The following CEP112 variants were observed in gnomAD, a reference collection of about 807,000 sequenced individuals.
CEP112 encodes the protein centrosomal protein 112.
CEP112 carries 127 observed loss-of-function variants against 153.0 expected under a neutral mutation model. That is an observed-to-expected ratio of 0.83 (90% CI 0.72 to 0.96). The LOEUF (loss-of-function observed/expected upper bound fraction) is 0.96, where lower values mean the gene tolerates loss of function less well. Ranked by LOEUF, CEP112 falls within the 40% of genes least tolerant of loss-of-function variation. CEP112 has a pLI of 0.00. For missense variants in CEP112, 1,089 were observed against 1,101.2 expected (o/e 0.99, Z 0.16); for synonymous variants, 358 against 374.4 (o/e 0.96, Z 0.51).
chr17:65,659,618 T>C (rs2046245917), intron 24 of CEP112, among the ~76,000 whole-genome samples: 1 of 152,204 alleles, frequency 6.6e-6, no homozygotes, highest in Non-Finnish European at 1.5e-5. Flanking sequence ...CTTAACACCA[T>C]TGTAAACACT....
chr17:66,078,806 T>C (rs2067606793), intron 8 of CEP112, among the ~76,000 whole-genome samples: 1 of 152,228 alleles, frequency 6.6e-6, no homozygotes, highest in Non-Finnish European at 1.5e-5. Flanking sequence ...GCACTTCTTG[T>C]AGTGGTGGCT....
At chr17:66,169,247 CA>C (rs1222201185) in intron 4 of CEP112, among the ~76,000 whole-genome samples, 1 of 149,894 alleles carries the variant, frequency 6.7e-6, no homozygotes, top group African/African-American at 2.5e-5. Context: ...AGTCTCAGAA[CA>C]GTATGTACAT....
chr17:65,830,162 G>A (rs945250911), intron 21 of CEP112, among the ~76,000 whole-genome samples: 3 of 152,172 alleles, frequency 2.0e-5, no homozygotes, highest in Non-Finnish European at 4.4e-5. Flanking sequence ...CAAGATGGTG[G>A]AATAGATTGT....
chr17:66,088,920 C>T (rs74614431), intron 8 of CEP112, among the ~76,000 whole-genome samples: 1 of 123,286 alleles, frequency 8.1e-6, no homozygotes, highest in African/African-American at 3.0e-5. Context: ...GGCTTAAACC[C>T]ACCCTAGAAC....
intron 21 of CEP112, among the ~76,000 whole-genome samples, chr17:65,787,146 ATACT>A (rs1295795811): frequency 6.6e-6 from 1 of 152,196 alleles, no homozygotes; most frequent in Non-Finnish European, 1.5e-5. Context: ...TAGGAGGGAA[ATACT>A]TTTGACTTTT....
In CEP112 at chr17:65,641,026, C is replaced by G; in HGVS notation, c.2737G>C (p.Gly913Arg). 3 of 1,611,398 alleles carry G rather than the reference C, an allele frequency of 1.9e-6. No homozygotes were observed. The highest frequency in any genetic ancestry group is 2.5e-6 in the Non-Finnish European group (3 of 1,177,736). Residue 913 changes from glycine (G) to arginine (R), a missense_variant, in exon 25 of 27, where the codon GGA becomes CGA. Gly to Arg is a moderately radical substitution (Grantham distance 125). Coordinates refer to ENST00000535342, the MANE Select transcript of CEP112 (RefSeq NM_001199165.4). ...TGTCTTAGGGATGCTGGCATCAATC[C>G]TTTCAATTTTGTTTCATATTCTTGT... ...IRQEYETKLK[G>R]LMPASLRQEL...
intron 8 of CEP112, among the ~76,000 whole-genome samples, chr17:66,072,716 A>G (rs1401720764): frequency 6.6e-6 from 1 of 152,200 alleles, no homozygotes; most frequent in East Asian, 1.9e-4. Context: ...TATTACAAAG[A>G]AAGTCTCTCC....
At chr17:65,715,449 A>G (rs1304156592) in intron 23 of CEP112, among the ~76,000 whole-genome samples, 2 of 152,084 alleles carry the variant, frequency 1.3e-5, no homozygotes, top group Non-Finnish European at 2.9e-5. Context: ...TAATAACCAT[A>G]AAAGAAATTT....
intron 20 of CEP112, among the ~76,000 whole-genome samples, chr17:65,852,269 CCT>C: frequency 1.4e-5 from 1 of 71,750 alleles, no homozygotes; most frequent in African/African-American, 5.4e-5. Flanking sequence ...TCCTTCCCTC[CCT>C]CCCTCCTTCC....
intron 17 of CEP112, among the ~76,000 whole-genome samples, chr17:65,998,101 T>C (rs2063859826): frequency 6.6e-6 from 1 of 152,024 alleles, no homozygotes; most frequent in Non-Finnish European, 1.5e-5. Flanking sequence ...AAAATTGTGC[T>C]TGGGGTGGTG....
chr17:65,745,944 A>G (rs1272951459), intron 22 of CEP112, among the ~76,000 whole-genome samples: 3 of 152,036 alleles, frequency 2.0e-5, no homozygotes, highest in African/African-American at 7.2e-5. Flanking sequence ...CGGCCGGATC[A>G]CCTGAAGCCA....
chr17:65,970,626 A>C (rs68032452), intron 17 of CEP112, among the ~76,000 whole-genome samples: 72,742 of 151,616 alleles, frequency 0.48, 18,446 homozygotes, highest in East Asian at 0.89. Flanking sequence ...ATGGAATGGA[A>C]GCATATTACA....
At chr17:66,112,667 G>C (rs560768591) in intron 6 of CEP112, among the ~76,000 whole-genome samples, 1 of 152,282 alleles carries the variant, frequency 6.6e-6, no homozygotes, top group Non-Finnish European at 1.5e-5. Context: ...GTGCCAGCCA[G>C]GCATGGTGGC....
chr17:66,105,344 A>G (rs888687393), intron 6 of CEP112, among the ~76,000 whole-genome samples: 14 of 152,190 alleles, frequency 9.2e-5, no homozygotes, highest in Non-Finnish European at 1.9e-4. Context: ...GCTTTCACTA[A>G]AAGGAAGACA....
intron 18 of CEP112, among the ~76,000 whole-genome samples, chr17:65,937,516 A>T (rs1270895989): frequency 7.8e-6 from 1 of 127,610 alleles, no homozygotes; most frequent in Non-Finnish European, 1.7e-5. Flanking sequence ...GCCCCGTCTG[A>T]GAAGTGAGGA....
chr17:65,658,511 A>C (rs576681002), intron 24 of CEP112, among the ~76,000 whole-genome samples: 1 of 152,336 alleles, frequency 6.6e-6, no homozygotes, highest in South Asian at 2.1e-4. Flanking sequence ...GAGACAAGGC[A>C]ATGGGTACAG....
At chr17:66,055,421 G>A (rs2066639418) in intron 11 of CEP112, among the ~76,000 whole-genome samples, 1 of 152,080 alleles carries the variant, frequency 6.6e-6, no homozygotes, top group African/African-American at 2.4e-5. Context: ...GCAGTATTAG[G>A]TCTGTTGTTC....
At chr17:66,051,798 G>C (rs1443559580) in intron 12 of CEP112, among the ~76,000 whole-genome samples, 1 of 152,166 alleles carries the variant, frequency 6.6e-6, no homozygotes, top group East Asian at 1.9e-4. Flanking sequence ...GTTCATGCCT[G>C]GGATACAACA....
intron 21 of CEP112, among the ~76,000 whole-genome samples, chr17:65,753,071 C>T (rs953792228): frequency 1.3e-5 from 2 of 152,140 alleles, no homozygotes; most frequent in East Asian, 3.9e-4. Context: ...ATGGGACTTC[C>T]TCAGGGAGTA....
Sources: gnomAD v4.1 joint callset for allele counts (sites outside exome capture counted in the v4.1 genomes callset) on GRCh38, gnomAD v4.1.1 for gene constraint, MANE v1.5 for transcripts, NCBI Gene and HGNC (gene_info 2026-07-23, HGNC 2026-07-21) for gene names.